EYS: variants seen among roughly 807,000 people sequenced by gnomAD.
EYS encodes EGF-like photoreceptor maintenance factor.
EYS carries 250 observed loss-of-function variants against 282.1 expected under a neutral mutation model. The ratio of observed to expected loss-of-function variants is 0.89; its 90% CI spans 0.80 to 0.98. EYS has a LOEUF of 0.98. Among genes scored for constraint, EYS ranks in the 50% least tolerant of loss-of-function variants. The pLI is 0.00. For missense variants in EYS, 4,016 were observed against 3,709.0 expected, an observed-to-expected ratio of 1.08 and a Z score of -2.15; for synonymous variants, 1,355 against 1,282.9, an observed-to-expected ratio of 1.06 and a Z score of -1.20.
intron 14 of EYS, among the ~76,000 whole-genome samples, chr6:64,990,549 G>A (rs1771030273): frequency 6.6e-6 from 1 of 151,528 alleles, no homozygotes; most frequent in African/African-American, 2.4e-5. Flanking sequence ...GCTAATATTG[G>A]AAATGGAAAT....
chr6:65,461,605 T>G (rs1293274938), intron 5 of EYS, among the ~76,000 whole-genome samples: 1 of 152,082 alleles, frequency 6.6e-6, no homozygotes, highest in East Asian at 1.9e-4. Context: ...AATTAAATGT[T>G]ATTGCCACTT....
intron 12 of EYS, among the ~76,000 whole-genome samples, chr6:65,214,128 C>T (rs1477524812): frequency 3.0e-5 from 4 of 134,470 alleles, no homozygotes; most frequent in African/African-American, 1.1e-4. Context: ...CACTGCACTC[C>T]AGCCTGGGCG....
At position 64,822,715 on chromosome 6, in the gene EYS, A is replaced by T. The variant is rs1188028980; in HGVS notation, c.3100T>A (p.Phe1034Ile). The T allele has an allele frequency of 1.9e-6, 3 of 1,549,148 alleles. No individual in the cohort carries two copies. The highest frequency in any genetic ancestry group is 2.5e-5 in the East Asian group (1 of 40,802). Residue 1034 changes from phenylalanine (F) to isoleucine (I), a missense_variant, in exon 20 of 43, where the codon TTT (phenylalanine) becomes ATT (isoleucine). Transcript: ENST00000503581. The stretch of plus-strand genomic sequence containing the variant: ...TTTGTTTCACAGTGTGTTCCAAAAA[A>T]CCCACTCTTGCAGTCACAGGTATAA... ...NHYTCDCKSG[F>I]FGTHCETNAN...
chr6:63,726,526 G>T lies in EYS; in HGVS notation c.8226C>A (p.Ala2742=). ...ILFYAAQHLK[A]QSGDFLCISL... is the part of the protein sequence containing the mutation. ...ACAGCCTGCCAATCTTACCTGATTG[G>T]GCTTTTAAGTGTTGTGCAGCATAAA... The change falls in exon 42 of 43, where the codon GCC becomes GCA. Residue 2742 remains alanine (A), a synonymous_variant. Transcript: ENST00000503581. 1 of 1,549,114 alleles carries T rather than the reference G, an allele frequency of 6.5e-7. No individual in the cohort carries two copies. Among genetic ancestry groups the T allele is most frequent in the Non-Finnish European group, 8.7e-7 (1 of 1,145,956 alleles).
intron 1 of EYS, among the ~76,000 whole-genome samples, chr6:65,700,070 G>C (rs1412271814): frequency 7.6e-6 from 1 of 132,370 alleles, no homozygotes; most frequent in Admixed American, 8.5e-5. Context: ...AGCGGAGATC[G>C]TGCCACTGCA....
intron 12 of EYS, among the ~76,000 whole-genome samples, chr6:65,099,425 C>T (rs970245886): frequency 6.6e-6 from 1 of 150,468 alleles, no homozygotes; most frequent in Non-Finnish European, 1.5e-5. Context: ...TAATATCTGG[C>T]ACATATTTGT....
intron 35 of EYS, among the ~76,000 whole-genome samples, chr6:63,888,477 T>C (rs7764594): frequency 0.12 from 17,893 of 152,232 alleles, 1,290 homozygotes; most frequent in African/African-American, 0.19. Context: ...GCAGCCTCCA[T>C]TGGCGATACC....
intron 13 of EYS, among the ~76,000 whole-genome samples, chr6:65,042,269 G>A (rs1203088288): frequency 6.6e-6 from 1 of 151,384 alleles, no homozygotes. Context: ...ATTTCTTGTA[G>A]ATTGAATAAA....
intron 31 of EYS, among the ~76,000 whole-genome samples, chr6:64,087,287 G>A (rs535788824): frequency 6.6e-6 from 1 of 152,076 alleles, no homozygotes; most frequent in East Asian, 1.9e-4. Flanking sequence ...ACTCATCAGG[G>A]AATACAGTGT....
At chr6:65,557,532 T>A (rs976910558) in intron 2 of EYS, among the ~76,000 whole-genome samples, 1 of 152,140 alleles carries the variant, frequency 6.6e-6, no homozygotes, top group Admixed American at 6.5e-5. Flanking sequence ...TGCCAGGAAC[T>A]GCGGAGCCCC....
At chr6:64,097,481 A>G (rs561896183) in intron 31 of EYS, among the ~76,000 whole-genome samples, 1 of 152,148 alleles carries the variant, frequency 6.6e-6, no homozygotes, top group South Asian at 2.1e-4. Flanking sequence ...CCTCGCTTCT[A>G]CCTTGCAGTT....
chr6:64,019,275 T>G (rs1229301554), intron 33 of EYS, among the ~76,000 whole-genome samples: 1 of 152,204 alleles, frequency 6.6e-6, no homozygotes, highest in Non-Finnish European at 1.5e-5. Context: ...GCAGCCTGCC[T>G]ACATAACATC....
intron 12 of EYS, among the ~76,000 whole-genome samples, chr6:65,058,276 G>C (rs1031972947): frequency 6.6e-6 from 1 of 151,978 alleles, no homozygotes; most frequent in African/African-American, 2.4e-5. Flanking sequence ...TCAGCCTCCT[G>C]AGTAGCTGGA....
At chr6:64,139,899 C>T (rs1423479589) in intron 31 of EYS, among the ~76,000 whole-genome samples, 1 of 151,684 alleles carries the variant, frequency 6.6e-6, no homozygotes, top group Non-Finnish European at 1.5e-5. Context: ...ACCTGGGAGG[C>T]TGAGGTTGCA....
chr6:64,989,847 AACCAAGAC>A (rs1771005192), intron 14 of EYS, among the ~76,000 whole-genome samples: 3 of 148,506 alleles, frequency 2.0e-5, no homozygotes, highest in African/African-American at 7.4e-5. Context: ...CACACACTAT[AACCAAGAC>A]AGGTTTATTG....
chr6:65,545,207 G>A (rs1218505668), intron 2 of EYS, among the ~76,000 whole-genome samples: 4 of 150,368 alleles, frequency 2.7e-5, no homozygotes, highest in Non-Finnish European at 5.9e-5. Context: ...ACAGGTGCGA[G>A]CCACTGTTCC....
chr6:65,234,017 C>T lies in EYS; in HGVS notation c.2023+61846G>A, dbSNP rs551754437. ...GCTGTCTCTCTTCCTGATTCTATCA[C>T]ATTTCCGGCTGCTCTGTTGTTCTGT... On this transcript the variant is annotated intron_variant, in intron 12 of 42. Transcript: ENST00000503581. Among the ~76,000 whole-genome samples the T allele has an allele frequency of 2.2e-3, 331 of 152,286 alleles. 2 individuals are homozygous for T. The highest frequency in any genetic ancestry group is 7.8e-3 in the African/African-American group (323 of 41,564).
intron 24 of EYS, among the ~76,000 whole-genome samples, chr6:64,607,147 T>C (rs1328822696): frequency 6.6e-6 from 1 of 152,048 alleles, no homozygotes; most frequent in East Asian, 1.9e-4. Flanking sequence ...GTTTTTATCA[T>C]AAAAAACGCA....
At chr6:63,916,809 G>A (rs1764434768) in intron 35 of EYS, among the ~76,000 whole-genome samples, 1 of 152,170 alleles carries the variant, frequency 6.6e-6, no homozygotes, top group African/African-American at 2.4e-5. Context: ...CTTTGTGCAT[G>A]ACTAAAACAT....
Sources: gnomAD v4.1 joint callset for allele counts (sites outside exome capture counted in the v4.1 genomes callset) on GRCh38, gnomAD v4.1.1 for gene constraint, MANE v1.5 for transcripts, NCBI Gene and HGNC (gene_info 2026-07-23, HGNC 2026-07-21) for gene names.